The following DNAH9 variants were observed in gnomAD, a reference collection of about 807,000 sequenced individuals.
DNAH9 encodes dynein axonemal heavy chain 9.
A neutral mutation model predicts 471.6 loss-of-function variants in DNAH9; 345 were observed. The ratio of observed to expected loss-of-function variants is 0.73; its 90% CI spans 0.67 to 0.80. The LOEUF is 0.80. Among genes scored for constraint, DNAH9 ranks in the 30% least tolerant of loss-of-function variants. The probability of loss-of-function intolerance (pLI) is 0.00; values close to 1 mark genes in which losing one functional copy is unlikely to be tolerated. For missense variants in DNAH9, 5,407 were observed against 5,609.2 expected, an observed-to-expected ratio of 0.96 and a Z score of 1.15; for synonymous variants, 2,093 against 2,123.6, an observed-to-expected ratio of 0.99 and a Z score of 0.40.
At chr17:11,934,527 G>A (rs919916146) in intron 65 of DNAH9, among the ~76,000 whole-genome samples, 1 of 136,024 alleles carries the variant, frequency 7.4e-6, no homozygotes, top group African/African-American at 2.7e-5. Flanking sequence ...CTCACTGCAA[G>A]CTCCGCCTCC....
At position 11,815,775 on chromosome 17, in the gene DNAH9, C is replaced by T. The variant is rs569373426; in HGVS notation, c.8707+5406C>T. On this transcript the variant is annotated intron_variant, in intron 45 of 68. Coordinates refer to ENST00000262442, the MANE Select transcript of DNAH9 (RefSeq NM_001372.4). ...TTGCAATCCAGCCTGGCTGACAGAGCAAGACCATGTCTCCAAAAAAAGAAA... is the reference window on the plus strand; with the variant it reads ...TTGCAATCCAGCCTGGCTGACAGAGTAAGACCATGTCTCCAAAAAAAGAAA... Among the ~76,000 whole-genome samples the T allele has an allele frequency of 5.3e-4, 80 of 152,228 alleles. 2 individuals are homozygous for T. The South Asian group carries it at 0.016, about 31-fold the overall frequency.
At chr17:11,830,057 A>G (rs189412757) in intron 48 of DNAH9, among the ~76,000 whole-genome samples, 52 of 152,278 alleles carry the variant, frequency 3.4e-4, no homozygotes, top group Non-Finnish European at 6.0e-4. Flanking sequence ...TGGGTTTCCA[A>G]AGGCAGCTGA....
rs780337866 is a variant in DNAH9 at position 11,747,620 on chromosome 17, C to A, written c.6464C>A (p.Thr2155Asn). Residue 2155 changes from threonine (T) to asparagine (N), a missense_variant, in exon 32 of 69, where the codon ACC (threonine) becomes AAC (asparagine). Coordinates refer to ENST00000262442, the MANE Select transcript of DNAH9 (RefSeq NM_001372.4). ...HSVFVVGGAG[T>N]GKSQVLRSLH... ...GTATTTGTGGTGGGTGGCGCTGGTA[C>A]CGGCAAGTCACAGGTGCTGAGGTCC... is the stretch of plus-strand genomic sequence containing the variant. 1.9e-6 allele frequency: 3 copies of A among 1,613,972 alleles called. No individual in the cohort carries two copies. In the African/African-American group the frequency reaches 4.0e-5, roughly 22 times the overall value.
intron 9 of DNAH9, among the ~76,000 whole-genome samples, chr17:11,639,985 A>G (rs2073239224): frequency 6.6e-6 from 1 of 152,156 alleles, no homozygotes; most frequent in Admixed American, 6.5e-5. Context: ...CCTGGGCGAC[A>G]AGAGTTAGAC....
intron 41 of DNAH9, among the ~76,000 whole-genome samples, chr17:11,791,652 C>T (rs149729698): frequency 0.01 from 1,540 of 151,726 alleles, 29 homozygotes; most frequent in African/African-American, 0.035. Flanking sequence ...TGGAGGCTGC[C>T]GCGAGCCGAG....
At chr17:11,792,579 A>C (rs1969103200) in intron 41 of DNAH9, among the ~76,000 whole-genome samples, 2 of 152,220 alleles carry the variant, frequency 1.3e-5, no homozygotes, top group Non-Finnish European at 2.9e-5. Flanking sequence ...AGAAATTTGA[A>C]AAGAATGATA....
At chr17:11,888,000 TGAG>T (rs1972931856) in intron 57 of DNAH9, among the ~76,000 whole-genome samples, 1 of 151,842 alleles carries the variant, frequency 6.6e-6, no homozygotes, top group East Asian at 1.9e-4. Context: ...TTTTTTTTTT[TGAG>T]AGGGAGTCTC....
intron 1 of DNAH9, among the ~76,000 whole-genome samples, chr17:11,605,744 A>G (rs1386491108): frequency 2.6e-5 from 4 of 151,362 alleles, no homozygotes; most frequent in East Asian, 3.9e-4. Flanking sequence ...GGCTCAAACA[A>G]TCTGCCCTCC....
chr17:11,607,095 G>C (rs2072524763), intron 1 of DNAH9, among the ~76,000 whole-genome samples: 1 of 152,166 alleles, frequency 6.6e-6, no homozygotes, highest in South Asian at 2.1e-4. Flanking sequence ...AACTTTGCTT[G>C]CCTTTTCAAG....
rs547023975 is a variant in DNAH9, at chr17:11,934,435, ATTTTTTTTT to A, written c.12489+384_12489+392del. 2.2e-4 allele frequency among the ~76,000 whole-genome samples: 19 copies of A among 86,034 alleles called. 1 individual carries two copies. Among genetic ancestry groups the A allele is most frequent in the East Asian group, 3.5e-4 (1 of 2,882 alleles). The allele number at this position is 86,034 out of a possible 152,430, so 56.4% of individuals were successfully genotyped here. A position where few individuals can be genotyped will look rare whatever the true frequency, so the allele number is the denominator to read the frequency against. ...TTTCACTTGGGATGTTGACAAACCC[ATTTTTTTTT>A]TTTTTTTTTTTTTTTTTTTGAGATG... On this transcript the variant is annotated intron_variant, in intron 65 of 68. Coordinates refer to ENST00000262442, the MANE Select transcript of DNAH9 (RefSeq NM_001372.4).
chr17:11,727,955 T>G (rs2075185067), intron 28 of DNAH9, 33 bp downstream of exon 28: 2 of 1,370,126 alleles, frequency 1.5e-6, no homozygotes, highest in Non-Finnish European at 2.1e-6. Flanking sequence ...AGCCTTGTGG[T>G]CTTCATATTG....
intron 67 of DNAH9, among the ~76,000 whole-genome samples, chr17:11,957,120 AGAATAT>A (rs1292285294): frequency 1.3e-5 from 2 of 152,172 alleles, no homozygotes; most frequent in African/African-American, 4.8e-5. Flanking sequence ...AAGGATTATA[AGAATAT>A]GAATAATTTT....
At chr17:11,876,085 A>G (rs983473298) in intron 53 of DNAH9, among the ~76,000 whole-genome samples, 13 of 152,208 alleles carry the variant, frequency 8.5e-5, no homozygotes, top group African/African-American at 3.1e-4. Flanking sequence ...AGAGGTTCAC[A>G]GAAGTTAAGT....
chr17:11,742,222 T>C lies in DNAH9; in HGVS notation c.6020T>C (p.Met2007Thr). 1 of 1,614,112 alleles carries C rather than the reference T, an allele frequency of 6.2e-7. No individual in the cohort carries two copies. Among genetic ancestry groups the C allele is most frequent in the Non-Finnish European group, 8.5e-7 (1 of 1,179,954 alleles). Residue 2007 changes from methionine (M) to threonine (T), a missense_variant, in exon 30 of 69, where the codon ATG (methionine) becomes ACG (threonine). Met to Thr is a moderately conservative substitution (Grantham distance 81). This residue lies in a region of DNAH9 where 4,636 missense variants were observed against 4,900.3 expected (regional missense o/e 0.95). Transcript: ENST00000262442. ...VPDFELICEI[M>T]LVAEGFIEAQ... ...GACTTTGAATTGATCTGTGAAATCA[T>C]GCTGGTGGCAGAAGGATTCATTGAA...
chr17:11,924,326 T>C (rs1191182293), intron 62 of DNAH9, among the ~76,000 whole-genome samples: 2 of 152,136 alleles, frequency 1.3e-5, no homozygotes, highest in Non-Finnish European at 2.9e-5. Context: ...TGCCTTTCTT[T>C]TGGGCTGTGT....
chr17:11,947,173 C>A lies in DNAH9; in HGVS notation c.12843+4688C>A, dbSNP rs1054092175. Among the ~76,000 whole-genome samples, 5 of 152,174 alleles carry A rather than the reference C, an allele frequency of 3.3e-5. No homozygotes were observed. The East Asian group carries it at 9.6e-4, about 29-fold the overall frequency. On this transcript the variant is annotated intron_variant, in intron 67 of 68. Transcript: ENST00000262442. ...CCACAGTTAGACATCTGTCTCTCAG[C>A]CTCACAAGATGAGGAACCAGGTCCT...
intron 28 of DNAH9, among the ~76,000 whole-genome samples, chr17:11,737,144 T>C (rs1273589911): frequency 6.6e-6 from 1 of 152,322 alleles, no homozygotes; most frequent in South Asian, 2.1e-4. Context: ...ATGGCATTGA[T>C]ATTCTGCACG....
intron 50 of DNAH9, among the ~76,000 whole-genome samples, chr17:11,861,092 T>C (rs1429206257): frequency 6.6e-6 from 1 of 151,986 alleles, no homozygotes; most frequent in African/African-American, 2.4e-5. Context: ...TAGTTACATA[T>C]GTATACATGT....
At chr17:11,925,691 G>T (rs1012603666) in intron 62 of DNAH9, among the ~76,000 whole-genome samples, 1 of 152,166 alleles carries the variant, frequency 6.6e-6, no homozygotes, top group Non-Finnish European at 1.5e-5. Context: ...TATTGGCCAT[G>T]CAGGGCATCA....
Sources: allele counts gnomAD v4.1 joint callset (sites outside exome capture counted in the v4.1 genomes callset), GRCh38; gene constraint gnomAD v4.1.1; regional missense constraint gnomAD v4.1.1; transcripts MANE v1.5; gene names NCBI Gene and HGNC (gene_info 2026-07-23, HGNC 2026-07-21).